Variants in DOCK7 observed in about 807,000 individuals in gnomAD.
DOCK7 encodes dedicator of cytokinesis 7.
In DOCK7, 138 loss-of-function variants were observed where a neutral mutation model predicts 271.0. The observed-to-expected ratio is 0.51, with a 90% CI of 0.44 to 0.59. DOCK7 has a LOEUF of 0.59. DOCK7 is among the 20% of genes least tolerant of loss of function. The pLI is 0.00. For missense variants in DOCK7, 2,066 were observed against 2,592.4 expected, an observed-to-expected ratio of 0.80 and a Z score of 4.41; for synonymous variants, 823 against 876.1, an observed-to-expected ratio of 0.94 and a Z score of 1.07.
rs1339120509 is a variant in DOCK7, at chr1:62,601,203, C to T, written c.1683-14579G>A. The T allele has an allele frequency of 1.3e-6, 2 of 1,552,374 alleles. No individual in the cohort carries two copies. Among genetic ancestry groups the T allele is most frequent in the Admixed American group, 1.7e-5 (1 of 59,646 alleles). ...AGAAATGTAAAACATGATGGTAAGA[C>T]ACTTTGGTGGGTTTCCTTCTTGAAG... is the stretch of plus-strand genomic sequence containing the variant. On this transcript the variant is annotated intron_variant, in intron 14 of 49. Coordinates refer to ENST00000635253, the MANE Select transcript of DOCK7 (RefSeq NM_001367561.1).
At chr1:62,680,193 T>C (rs1660960322) in intron 1 of DOCK7, among the ~76,000 whole-genome samples, 1 of 152,092 alleles carries the variant, frequency 6.6e-6, no homozygotes, top group Admixed American at 6.6e-5. Flanking sequence ...AACAGAAATA[T>C]AGACCAATGG....
chr1:62,489,827 A>G (rs1646407405), intron 41 of DOCK7, among the ~76,000 whole-genome samples: 2 of 152,194 alleles, frequency 1.3e-5, no homozygotes, highest in African/African-American at 2.4e-5. Flanking sequence ...CTCCTATAAT[A>G]GCATCCTGGG....
At chr1:62,633,679 G>A (rs997685573) in intron 9 of DOCK7, 101 bp from the exon 10 acceptor site, 10 of 760,172 alleles carry the variant, frequency 1.3e-5, no homozygotes, top group East Asian at 2.6e-5. Flanking sequence ...CAGAATGACA[G>A]AAAAAAATAT....
chr1:62,464,444 G>A (rs1212877010), intron 48 of DOCK7, among the ~76,000 whole-genome samples: 1 of 151,450 alleles, frequency 6.6e-6, no homozygotes, highest in Non-Finnish European at 1.5e-5. Context: ...CGCTTTGGGA[G>A]GCTGAGGCAG....
chr1:62,491,774 C>T (rs1646473159), intron 41 of DOCK7, among the ~76,000 whole-genome samples: 2 of 152,234 alleles, frequency 1.3e-5, no homozygotes, highest in South Asian at 2.1e-4. Flanking sequence ...CAACTAGGAA[C>T]TTATATCACT....
chr1:62,634,694 C>T, intron 9 of DOCK7, 79 bp downstream of exon 9: 1 of 1,378,784 alleles, frequency 7.3e-7, no homozygotes, highest in Non-Finnish European at 1.0e-6. Context: ...CAAATCTTTG[C>T]CCTTGAAAAG....
chr1:62,514,518 C>T (rs1273077563), intron 31 of DOCK7, among the ~76,000 whole-genome samples: 1 of 152,020 alleles, frequency 6.6e-6, no homozygotes, highest in African/African-American at 2.4e-5. Flanking sequence ...TACAGTACCA[C>T]TTATTGGACA....
At chr1:62,675,630 AAG>A (rs1660469723) in intron 1 of DOCK7, among the ~76,000 whole-genome samples, 1 of 151,764 alleles carries the variant, frequency 6.6e-6, no homozygotes. Flanking sequence ...AAAATACAAA[AAG>A]AAATTAGCCA....
At chr1:62,581,372 G>T (rs1016437397) in intron 16 of DOCK7, among the ~76,000 whole-genome samples, 1 of 152,144 alleles carries the variant, frequency 6.6e-6, no homozygotes, top group Non-Finnish European at 1.5e-5. Flanking sequence ...GAAAGACAAA[G>T]ATGTCTTAAA....
chr1:62,657,705 C>T (rs981509126), intron 2 of DOCK7, among the ~76,000 whole-genome samples: 2 of 151,864 alleles, frequency 1.3e-5, no homozygotes, highest in East Asian at 1.9e-4. Flanking sequence ...AACAAAGTCT[C>T]GGCAAAGAAA....
chr1:62,498,080 AT>A (rs5774605), intron 37 of DOCK7, among the ~76,000 whole-genome samples: 34 of 149,204 alleles, frequency 2.3e-4, no homozygotes, highest in African/African-American at 6.1e-4. Flanking sequence ...TGTCTACGAA[AT>A]TTTTTTTTTT....
intron 14 of DOCK7, among the ~76,000 whole-genome samples, chr1:62,602,627 C>T (rs989196612): frequency 4.6e-5 from 7 of 151,714 alleles, no homozygotes; most frequent in Non-Finnish European, 8.9e-5. Context: ...TTTAATTCCA[C>T]GGCTTACAAT....
At chr1:62,531,836 C>T (rs1645183244) in intron 29 of DOCK7, among the ~76,000 whole-genome samples, 2 of 152,264 alleles carry the variant, frequency 1.3e-5, no homozygotes, top group East Asian at 3.9e-4. Context: ...AATTAACATA[C>T]ATTAGCAAGT....
At chr1:62,633,393 T>G in intron 10 of DOCK7, 105 bp downstream of exon 10, 1 of 847,760 alleles carries the variant, frequency 1.2e-6, no homozygotes, top group South Asian at 1.7e-5. Flanking sequence ...TGTTGCATAT[T>G]AAAGCTATTA....
At chr1:62,538,887 T>C (rs1478079132) in intron 27 of DOCK7, among the ~76,000 whole-genome samples, 1 of 152,128 alleles carries the variant, frequency 6.6e-6, no homozygotes, top group Non-Finnish European at 1.5e-5. Context: ...CTCAGAAATA[T>C]GTATATTTTT....
chr1:62,521,383 G>T (rs1037148932), intron 31 of DOCK7, among the ~76,000 whole-genome samples: 2 of 152,074 alleles, frequency 1.3e-5, no homozygotes, highest in African/African-American at 4.8e-5. Flanking sequence ...ATCTCAAGAA[G>T]TTAGAAAAAG....
chr1:62,627,590 C>T (rs910024663), intron 11 of DOCK7: 1 of 151,954 alleles, frequency 6.6e-6, no homozygotes, highest in Non-Finnish European at 1.5e-5. Flanking sequence ...TTTCTATACA[C>T]TAGAAATGGA....
Position 62,577,299 on chromosome 1 carries a change from T to C in DOCK7, c.2075A>G (p.Glu692Gly), listed in dbSNP as rs1646967659. The change falls in exon 18 of 50, where the codon GAA becomes GGA. Residue 692 changes from glutamate (E) to glycine (G), a missense_variant. Glu to Gly is a moderately conservative substitution (Grantham distance 98). This residue lies in a region of DOCK7 where 1,414 missense variants were observed against 1,670.4 expected (regional missense o/e 0.85). Coordinates refer to ENST00000635253, the MANE Select transcript of DOCK7 (RefSeq NM_001367561.1). ...TGQFCLPVSL[E>G]KPPQAYSVLS... is the part of the protein sequence containing the mutation. ...TACAGAATAAGCCTGTGGTGGTTTT[T>C]CCAATGAGACTGGCAAGCAAAACTG... 12 of 1,591,930 alleles carry C rather than the reference T, an allele frequency of 7.5e-6. No individual in the cohort carries two copies. The highest frequency in any genetic ancestry group is 1.0e-5 in the Non-Finnish European group (12 of 1,166,810).
chr1:62,572,517 A>G (rs1646815914), intron 18 of DOCK7, among the ~76,000 whole-genome samples: 1 of 152,198 alleles, frequency 6.6e-6, no homozygotes, highest in African/African-American at 2.4e-5. Context: ...CTTAAACAGC[A>G]GATATTTATT....
Sources: gnomAD v4.1 joint callset for allele counts (sites outside exome capture counted in the v4.1 genomes callset) on GRCh38, gnomAD v4.1.1 for gene constraint, gnomAD v4.1.1 regional missense constraint, MANE v1.5 for transcripts, NCBI Gene and HGNC (gene_info 2026-07-23, HGNC 2026-07-21) for gene names.